Variants in SELP observed in about 807,000 individuals in gnomAD.
SELP encodes the protein P-selectin.
Under a neutral mutation model 104.1 loss-of-function variants are expected in SELP, and 92 were observed. The observed-to-expected ratio is 0.88, with a 90% CI of 0.75 to 1.05. The LOEUF (loss-of-function observed/expected upper bound fraction) is 1.05. Ranked by LOEUF, SELP falls within the 50% of genes least tolerant of loss-of-function variation. The pLI is 0.00. For synonymous variants in SELP, 397 were observed against 364.5 expected (o/e 1.09, Z -1.01); for missense variants, 1,022 against 1,017.3 (o/e 1.00, Z -0.06).
At chr1:169,612,044 A>G (rs1662562888) in intron 6 of SELP, among the ~76,000 whole-genome samples, 173 bp downstream of exon 6, 1 of 152,092 alleles carries the variant, frequency 6.6e-6, no homozygotes, top group Admixed American at 6.5e-5. Context: ...AAAGAAAGGA[A>G]TTTTTTTCCT....
At chr1:169,595,902 C>G (rs746575557) in intron 12 of SELP, 23 bp downstream of exon 12, 1 of 1,609,562 alleles carries the variant, frequency 6.2e-7, no homozygotes, top group Non-Finnish European at 8.5e-7. Context: ...AGGTTCAGAA[C>G]TGCCTGCTCC....
chr1:169,609,914 C>T (rs1166733375), intron 7 of SELP, among the ~76,000 whole-genome samples: 1 of 152,060 alleles, frequency 6.6e-6, no homozygotes, highest in African/African-American at 2.4e-5. Flanking sequence ...CTTCCCTTTC[C>T]TTAGGAAGCC....
chr1:169,607,414 A>G (rs1229319045), intron 8 of SELP, among the ~76,000 whole-genome samples: 5 of 152,192 alleles, frequency 3.3e-5, no homozygotes, highest in Non-Finnish European at 7.3e-5. Context: ...ATCAAGATGC[A>G]TACCAAAAAA....
At chr1:169,607,921 C>T (rs145215645) in intron 8 of SELP, among the ~76,000 whole-genome samples, 1 of 152,276 alleles carries the variant, frequency 6.6e-6, no homozygotes, top group Non-Finnish European at 1.5e-5. Context: ...AGTGAGACCA[C>T]ATCTCTGGAT....
intron 1 of SELP, among the ~76,000 whole-genome samples, chr1:169,625,787 G>A (rs933106372): frequency 6.6e-6 from 1 of 152,190 alleles, no homozygotes; most frequent in African/African-American, 2.4e-5. Flanking sequence ...TAATAGCTAA[G>A]TGAACAAATA....
At chr1:169,608,997 A>T (rs1662349709) in intron 8 of SELP, among the ~76,000 whole-genome samples, 1 of 152,176 alleles carries the variant, frequency 6.6e-6, no homozygotes, top group South Asian at 2.1e-4. Flanking sequence ...GTAACATGTC[A>T]TCATCATCAT....
chr1:169,600,490 G>A (rs1485130581), intron 10 of SELP, among the ~76,000 whole-genome samples: 1 of 152,146 alleles, frequency 6.6e-6, no homozygotes, highest in African/African-American at 2.4e-5. Flanking sequence ...AGATACTGAG[G>A]AACAACTAGG....
intron 8 of SELP, among the ~76,000 whole-genome samples, chr1:169,607,694 T>C (rs1259056283): frequency 6.6e-6 from 1 of 152,148 alleles, no homozygotes; most frequent in African/African-American, 2.4e-5. Flanking sequence ...AGCACACATA[T>C]TCCATGTGTT....
chr1:169,609,042 C>T (rs1035388445), intron 8 of SELP, among the ~76,000 whole-genome samples: 15 of 152,144 alleles, frequency 9.9e-5, no homozygotes, highest in South Asian at 8.3e-4. Flanking sequence ...TTTAAAGTTG[C>T]GTTTACACAC....
intron 2 of SELP, 82 bp from the exon 3 acceptor site, chr1:169,617,496 C>A: frequency 7.3e-7 from 1 of 1,364,172 alleles, no homozygotes; most frequent in South Asian, 1.3e-5. Context: ...TCTGCATACT[C>A]AGATGAATTT....
At chr1:169,619,098 G>A (rs915113418) in intron 2 of SELP, 31 bp downstream of exon 2, 44 of 1,546,620 alleles carry the variant, frequency 2.8e-5, no homozygotes, top group Non-Finnish European at 3.7e-5. Flanking sequence ...TAATTACTTA[G>A]GCCTAAGTGA....
chr1:169,616,151 G>A (rs1038849695), intron 3 of SELP, among the ~76,000 whole-genome samples: 2 of 152,104 alleles, frequency 1.3e-5, no homozygotes, highest in Admixed American at 6.5e-5. Flanking sequence ...AAATACACTC[G>A]AAGTATTTCA....
rs1393233434 is a variant in SELP, at chr1:169,612,282, A to G, written c.896T>C (p.Val299Ala). The change falls in exon 6 of 17, where the codon GTT becomes GCT. Residue 299 changes from valine (V) to alanine (A), a missense_variant. Val to Ala is a moderately conservative substitution (Grantham distance 64). Transcript: ENST00000263686. ...TGTGCATTGCACCACTTCCGGTCCA[A>G]CTAATGCAAATCCCTCTTCACAACT... is the stretch of plus-strand genomic sequence containing the variant. ...SFSCEEGFAL[V>A]GPEVVQCTAS... is the part of the protein sequence containing the mutation. 1 of 1,614,152 alleles carries G rather than the reference A, an allele frequency of 6.2e-7. No individual in the cohort carries two copies. The highest frequency in any genetic ancestry group is 8.5e-7 in the Non-Finnish European group (1 of 1,180,020).
At position 169,624,496 on chromosome 1, in the gene SELP, T is replaced by A. The variant is rs188498199; in HGVS notation, c.4-5277A>T. ...CTGGTGCAGTGGCTCATGCCTCTAA[T>A]CCCAGCACTTTGGGAGGCCAAGGTG... On this transcript the variant is annotated intron_variant, in intron 1 of 16. Coordinates refer to ENST00000263686, the MANE Select transcript of SELP (RefSeq NM_003005.4). Among the ~76,000 whole-genome samples the A allele has an allele frequency of 1.2e-4, 19 of 152,294 alleles. No homozygotes were observed. In the East Asian group the frequency reaches 3.7e-3, roughly 29 times the overall value.
rs754646590 is a variant in SELP at position 169,596,080 on chromosome 1, C to T, written c.1946G>A (p.Gly649Glu). The T allele has an allele frequency of 2.5e-6, 4 of 1,613,830 alleles. No homozygotes were observed. Among genetic ancestry groups the T allele is most frequent in the South Asian group, 2.2e-5 (2 of 91,070 alleles). The change falls in exon 12 of 17, where the codon GGG (glycine) becomes GAG (glutamate). Residue 649 changes from glycine to glutamate, a missense_variant. By Grantham distance (98) the Gly-to-Glu change is moderately conservative (BLOSUM62 -2). Coordinates refer to ENST00000263686, the MANE Select transcript of SELP (RefSeq NM_003005.4). ...GVQCPALTTPGQGTMYCRHHP... is the reference protein window; with the variant it reads ...GVQCPALTTPEQGTMYCRHHP... The stretch of plus-strand genomic sequence containing the variant: ...ATGCCTACAGTACATGGTTCCCTGC[C>T]CAGGAGTGGTGAGGGCTGGACATTG...
chr1:169,590,100 TC>T, intron 16 of SELP, 46 bp downstream of exon 16: 1 of 1,243,638 alleles, frequency 8.0e-7, no homozygotes. Context: ...CTTCCATTTT[TC>T]CCTAGTGTTC....
At chr1:169,619,706 A>G (rs1662995527) in intron 1 of SELP, among the ~76,000 whole-genome samples, 1 of 152,196 alleles carries the variant, frequency 6.6e-6, no homozygotes, top group Non-Finnish European at 1.5e-5. Context: ...TCTATTTTGT[A>G]CTATGGATCT....
chr1:169,609,667 C>T lies in SELP; in HGVS notation c.1170G>A (p.Glu390=), dbSNP rs1057333819. 3.1e-6 allele frequency: 5 copies of T among 1,612,512 alleles called. No individual in the cohort carries two copies. The highest frequency in any genetic ancestry group is 2.2e-5 in the South Asian group (2 of 90,914). Residue 390 remains glutamate (E), a synonymous_variant, in exon 8 of 17, where the codon GAG becomes GAA. Coordinates refer to ENST00000263686, the MANE Select transcript of SELP (RefSeq NM_003005.4). ...TCEAISCEPL[E]SPVHGSMDCS... The stretch of plus-strand genomic sequence containing the variant: ...AATCCATGCTTCCGTGGACAGGACT[C>T]TCCAGCGGCTCACACGAAATAGCTA...
intron 8 of SELP, among the ~76,000 whole-genome samples, chr1:169,608,771 C>T (rs1662332094): frequency 6.6e-6 from 1 of 152,120 alleles, no homozygotes; most frequent in Admixed American, 6.5e-5. Flanking sequence ...ATAGATTGCT[C>T]AGAGGTCTCC....
Sources: allele counts gnomAD v4.1 joint callset (sites outside exome capture counted in the v4.1 genomes callset), GRCh38; gene constraint gnomAD v4.1.1; transcripts MANE v1.5; gene names NCBI Gene and HGNC (gene_info 2026-07-23, HGNC 2026-07-21).